Variants in NYAP2 observed in about 807,000 individuals in gnomAD.
The protein encoded by NYAP2 is neuronal tyrosine-phosphorylated phosphoinositide-3-kinase adapter 2.
A neutral mutation model predicts 50.4 loss-of-function variants in NYAP2; 23 were observed. The observed-to-expected ratio is 0.46, with a 90% CI of 0.33 to 0.65. The LOEUF is 0.65. Ranked by LOEUF, NYAP2 falls within the 30% of genes least tolerant of loss-of-function variation. The pLI is 0.02. For synonymous variants in NYAP2, 394 were observed against 365.2 expected (o/e 1.08, Z -0.90); for missense variants, 885 against 861.0 (o/e 1.03, Z -0.35).
At chr2:225,623,219 G>T (rs1419737536) in intron 5 of NYAP2, among the ~76,000 whole-genome samples, 4 of 152,304 alleles carry the variant, frequency 2.6e-5, no homozygotes, top group African/African-American at 9.6e-5. Context: ...CTTGCATTTG[G>T]CAAAGACTCA....
intron 5 of NYAP2, among the ~76,000 whole-genome samples, chr2:225,625,597 G>A (rs1693194767): frequency 6.6e-6 from 1 of 152,072 alleles, no homozygotes; most frequent in African/African-American, 2.4e-5. Flanking sequence ...TCAAAGGAGG[G>A]GTGGTAATAG....
intron 4 of NYAP2, among the ~76,000 whole-genome samples, chr2:225,521,494 AT>A: frequency 6.6e-6 from 1 of 152,018 alleles, no homozygotes; most frequent in Non-Finnish European, 1.5e-5. Context: ...GGGTTGTTGA[AT>A]TTTGTCGAAG....
chr2:225,468,699 T>C (rs919869075), intron 3 of NYAP2, among the ~76,000 whole-genome samples: 1 of 152,130 alleles, frequency 6.6e-6, no homozygotes, highest in Non-Finnish European at 1.5e-5. Context: ...AAACCATTGA[T>C]TTAAATAATC....
At chr2:225,547,052 G>T (rs1342600700) in intron 4 of NYAP2, among the ~76,000 whole-genome samples, 1 of 152,066 alleles carries the variant, frequency 6.6e-6, no homozygotes, top group African/African-American at 2.4e-5. Flanking sequence ...GGCTAAGCGG[G>T]TGTCCACAAA....
intron 4 of NYAP2, among the ~76,000 whole-genome samples, chr2:225,520,306 G>A (rs1344616671): frequency 6.6e-6 from 1 of 152,054 alleles, no homozygotes; most frequent in Non-Finnish European, 1.5e-5. Flanking sequence ...TTTGGCTTTT[G>A]TTGCCACTGC....
intron 3 of NYAP2, among the ~76,000 whole-genome samples, chr2:225,423,246 C>A (rs912970057): frequency 6.6e-6 from 1 of 152,074 alleles, no homozygotes; most frequent in Non-Finnish European, 1.5e-5. Context: ...GAATGCCATG[C>A]GGCTTGTGGA....
At chr2:225,515,287 T>C (rs1690907668) in intron 4 of NYAP2, among the ~76,000 whole-genome samples, 1 of 152,248 alleles carries the variant, frequency 6.6e-6, no homozygotes, top group African/African-American at 2.4e-5. Context: ...CATCATAGTG[T>C]ATAGTCTTGT....
chr2:225,596,803 T>C (rs1312969881), intron 5 of NYAP2, among the ~76,000 whole-genome samples: 1 of 152,134 alleles, frequency 6.6e-6, no homozygotes, highest in Non-Finnish European at 1.5e-5. Flanking sequence ...GAGAAGTCAG[T>C]CCCATTACTG....
chr2:225,694,645 A>G, the NYAP2 span, among the ~76,000 whole-genome samples: 18 of 152,032 alleles, frequency 1.2e-4, no homozygotes, highest in Admixed American at 9.2e-4. Context: ...TTCTATGTTT[A>G]TTTATCACAT....
intron 2 of NYAP2, among the ~76,000 whole-genome samples, chr2:225,403,248 A>T (rs1694891671): frequency 6.6e-6 from 1 of 151,996 alleles, no homozygotes; most frequent in African/African-American, 2.4e-5. Flanking sequence ...AATTCTAATA[A>T]CTTCCTCACA....
intron 2 of NYAP2, among the ~76,000 whole-genome samples, chr2:225,404,610 GA>G (rs1336213466): frequency 6.6e-6 from 1 of 151,894 alleles, no homozygotes; most frequent in Non-Finnish European, 1.5e-5. Context: ...TAGCTGGGTG[GA>G]ATGAAATTTC....
chr2:225,489,204 AT>A (rs946987597), intron 3 of NYAP2, among the ~76,000 whole-genome samples: 10 of 148,508 alleles, frequency 6.7e-5, no homozygotes, highest in South Asian at 4.2e-4. Flanking sequence ...TTATTTATTT[AT>A]TTTTTTTAAG....
intron 4 of NYAP2, among the ~76,000 whole-genome samples, chr2:225,550,625 G>A (rs1185917151): frequency 6.6e-6 from 1 of 152,142 alleles, no homozygotes; most frequent in Admixed American, 6.6e-5. Flanking sequence ...TCAGGGTAAT[G>A]TATATATAAA....
chr2:225,663,530 C>A, the NYAP2 span, among the ~76,000 whole-genome samples: 1 of 152,042 alleles, frequency 6.6e-6, no homozygotes, highest in Non-Finnish European at 1.5e-5. Flanking sequence ...TCAGGTTCAT[C>A]CACACACCCA....
At chr2:225,411,369 A>G (rs768564791) in intron 3 of NYAP2, among the ~76,000 whole-genome samples, 14 of 152,096 alleles carry the variant, frequency 9.2e-5, no homozygotes, top group Admixed American at 2.6e-4. Flanking sequence ...TTTCCATTTA[A>G]TGCAATGGCA....
the NYAP2 span, among the ~76,000 whole-genome samples, chr2:225,683,479 T>C: frequency 0.026 from 4,034 of 152,322 alleles, 181 homozygotes; most frequent in African/African-American, 0.091. Context: ...TAAAAAATTC[T>C]TTCCAGTTAT....
At chr2:225,640,123 C>A (rs1250049645) in intron 6 of NYAP2, among the ~76,000 whole-genome samples, 1 of 152,116 alleles carries the variant, frequency 6.6e-6, no homozygotes, top group Non-Finnish European at 1.5e-5. Flanking sequence ...TTATGATCAC[C>A]CATCCTAAAC....
At chr2:225,475,684 T>C (rs1260809747) in intron 3 of NYAP2, among the ~76,000 whole-genome samples, 2 of 152,170 alleles carry the variant, frequency 1.3e-5, no homozygotes. Flanking sequence ...TATTTTGCAA[T>C]TGAGTAGAGA....
At chr2:225,416,540 C>A (rs1447967547) in intron 3 of NYAP2, among the ~76,000 whole-genome samples, 1 of 152,086 alleles carries the variant, frequency 6.6e-6, no homozygotes, top group African/African-American at 2.4e-5. Context: ...TATAAATTTA[C>A]AATTTACATT....
Sources: gnomAD v4.1 joint callset for allele counts (sites outside exome capture counted in the v4.1 genomes callset) on GRCh38, gnomAD v4.1.1 for gene constraint, MANE v1.5 for transcripts, NCBI Gene and HGNC (gene_info 2026-07-23, HGNC 2026-07-21) for gene names.